Variants in THADA observed in about 807,000 individuals in gnomAD.
THADA encodes the protein tRNA (32-2'-O)-methyltransferase regulator THADA.
A neutral mutation model predicts 219.8 loss-of-function variants in THADA; 213 were observed. That is an observed-to-expected ratio of 0.97 (90% CI 0.87 to 1.09). The LOEUF (loss-of-function observed/expected upper bound fraction) is 1.09, where lower values mean the gene tolerates loss of function less well. THADA is among the 50% of genes least tolerant of loss of function. THADA has a pLI of 0.00. For synonymous variants in THADA, 1,018 were observed against 828.9 expected (o/e 1.23, Z -3.92); for missense variants, 2,956 against 2,311.3 (o/e 1.28, Z -5.72).
chr2:43,392,195 A>G (rs1328015985), intron 29 of THADA, among the ~76,000 whole-genome samples: 1 of 152,230 alleles, frequency 6.6e-6, no homozygotes, highest in East Asian at 1.9e-4. Flanking sequence ...GTTTTAAGAA[A>G]TATAAATGAC....
chr2:43,255,410 G>A (rs1260176727), intron 36 of THADA, among the ~76,000 whole-genome samples: 2 of 152,140 alleles, frequency 1.3e-5, no homozygotes, highest in Non-Finnish European at 2.9e-5. Flanking sequence ...AGGAATTCTT[G>A]GGTTACAAGA....
chr2:43,459,207 C>T (rs1683349622), intron 26 of THADA, among the ~76,000 whole-genome samples: 1 of 152,180 alleles, frequency 6.6e-6, no homozygotes, highest in Admixed American at 6.5e-5. Flanking sequence ...TCTCTGTACC[C>T]TGTGCATTTT....
At chr2:43,513,451 G>A (rs1449013858) in intron 22 of THADA, among the ~76,000 whole-genome samples, 1 of 152,168 alleles carries the variant, frequency 6.6e-6, no homozygotes, top group Non-Finnish European at 1.5e-5. Context: ...AAGCAGTAGT[G>A]GCAGCCAAAG....
At chr2:43,381,208 G>C (rs541415932) in intron 29 of THADA, among the ~76,000 whole-genome samples, 1 of 151,330 alleles carries the variant, frequency 6.6e-6, no homozygotes, top group East Asian at 1.9e-4. Flanking sequence ...AGCTAAAACT[G>C]AAGCTGAAAC....
At chr2:43,575,266 T>G (rs1181255623) in intron 10 of THADA, among the ~76,000 whole-genome samples, 2 of 152,142 alleles carry the variant, frequency 1.3e-5, no homozygotes, top group African/African-American at 4.8e-5. Flanking sequence ...CTAGGCAATA[T>G]AGTGAAACCC....
chr2:43,292,184 C>A lies in THADA; in HGVS notation c.4857G>T (p.Trp1619Cys). The change falls in exon 33 of 38, where the codon TGG (tryptophan) becomes TGT (cysteine). Residue 1619 changes from tryptophan (W) to cysteine (C), a missense_variant. Trp to Cys is a radical substitution (Grantham distance 215). Coordinates refer to ENST00000405975, the MANE Select transcript of THADA (RefSeq NM_022065.5). The part of the protein sequence containing the change: ...KILHCMDPGE[W>C]LPQTEHCVHL... ...GGACACAGTGCTCCGTCTGGGGAAG[C>A]CACTCACCAGGGTCCATGCAGTGGA... The A allele has an allele frequency of 6.2e-7, 1 of 1,611,868 alleles. No homozygotes were observed. The highest frequency in any genetic ancestry group is 8.5e-7 in the Non-Finnish European group (1 of 1,179,068).
At chr2:43,494,933 C>T (rs2105047441) in intron 25 of THADA, among the ~76,000 whole-genome samples, 1 of 152,244 alleles carries the variant, frequency 6.6e-6, no homozygotes, top group Admixed American at 6.5e-5. Flanking sequence ...TGTTTCTTTA[C>T]TGCAAGTTAA....
At chr2:43,247,754 A>AAAG in intron 36 of THADA, among the ~76,000 whole-genome samples, 2 of 130,742 alleles carry the variant, frequency 1.5e-5, no homozygotes, top group Middle Eastern at 4.4e-3. Flanking sequence ...AAAAAAAAAA[A>AAAG]GGGGGGTGCT....
intron 7 of THADA, among the ~76,000 whole-genome samples, chr2:43,583,524 G>C (rs926086532): frequency 2.0e-5 from 3 of 152,112 alleles, no homozygotes; most frequent in Non-Finnish European, 2.9e-5. Flanking sequence ...TCCTCAAAAA[G>C]TTAAATATAG....
At chr2:43,321,923 T>C (rs1315287437) in intron 30 of THADA, among the ~76,000 whole-genome samples, 2 of 152,202 alleles carry the variant, frequency 1.3e-5, no homozygotes, top group African/African-American at 4.8e-5. Context: ...CTGAAATCCA[T>C]CCTTCTCATT....
chr2:43,491,004 C>T (rs375332041), intron 25 of THADA, among the ~76,000 whole-genome samples: 1 of 152,124 alleles, frequency 6.6e-6, no homozygotes, highest in Admixed American at 6.5e-5. Context: ...AAATAACTGG[C>T]ATGAAAGCCT....
chr2:43,236,716 T>C (rs966070645), intron 36 of THADA, among the ~76,000 whole-genome samples: 3 of 151,790 alleles, frequency 2.0e-5, no homozygotes, highest in Non-Finnish European at 4.4e-5. Flanking sequence ...GAAAACAAAA[T>C]TGGAGGACTC....
chr2:43,587,868 G>A (rs1701175206), intron 4 of THADA, among the ~76,000 whole-genome samples: 1 of 152,102 alleles, frequency 6.6e-6, no homozygotes, highest in Admixed American at 6.6e-5. Context: ...TTTATCAAAT[G>A]AGTAAATTAA....
At chr2:43,389,879 T>C (rs942020485) in intron 29 of THADA, among the ~76,000 whole-genome samples, 3 of 152,188 alleles carry the variant, frequency 2.0e-5, no homozygotes, top group Non-Finnish European at 4.4e-5. Context: ...ACATAACATG[T>C]AGCCACGTAT....
chr2:43,538,244 G>C (rs1297930646), intron 21 of THADA, among the ~76,000 whole-genome samples: 3 of 152,184 alleles, frequency 2.0e-5, no homozygotes, highest in Non-Finnish European at 4.4e-5. Context: ...AAAACATCAA[G>C]TTTGAAAACT....
intron 30 of THADA, among the ~76,000 whole-genome samples, chr2:43,321,235 T>C (rs1236649112): frequency 2.6e-5 from 4 of 152,198 alleles, no homozygotes; most frequent in South Asian, 2.1e-4. Context: ...TCTTTGGCCA[T>C]GAAAAGGCCA....
intron 28 of THADA, among the ~76,000 whole-genome samples, chr2:43,415,321 A>G (rs977116575): frequency 3.3e-5 from 5 of 152,144 alleles, no homozygotes; most frequent in African/African-American, 1.2e-4. Context: ...CAAATCATTT[A>G]ATATAGGTTT....
chr2:43,354,662 T>C (rs1033942091), intron 29 of THADA, among the ~76,000 whole-genome samples: 5 of 152,178 alleles, frequency 3.3e-5, no homozygotes, highest in African/African-American at 1.2e-4. Flanking sequence ...TCTAGTTCTA[T>C]TTATATTTTT....
At position 43,286,923 on chromosome 2, in the gene THADA, G is replaced by A. The variant is rs755268690; in HGVS notation, c.5149C>T (p.Pro1717Ser). Residue 1717 changes from proline (P) to serine (S), a missense_variant, in exon 35 of 38, where the codon CCC (proline) becomes TCC (serine). By Grantham distance (74) the Pro-to-Ser change is moderately conservative (BLOSUM62 -1). Coordinates refer to ENST00000405975, the MANE Select transcript of THADA (RefSeq NM_022065.5). The part of the protein sequence containing the change: ...TSTTPLFLTN[P>S]HPILELQDTL... ...GCGCACTTACCAAGAATAGGATGGG[G>A]GTTGGTGAGGAAAAGTGGTGTAGTA... 2 of 1,612,846 alleles carry A rather than the reference G, an allele frequency of 1.2e-6. No homozygotes were observed. The highest frequency in any genetic ancestry group is 2.7e-5 in the African/African-American group (2 of 75,022).
Sources: gnomAD v4.1 joint callset for allele counts (sites outside exome capture counted in the v4.1 genomes callset) on GRCh38, gnomAD v4.1.1 for gene constraint, MANE v1.5 for transcripts, NCBI Gene and HGNC (gene_info 2026-07-23, HGNC 2026-07-21) for gene names.